The following CREBL2 variants were observed in gnomAD, a reference collection of about 807,000 sequenced individuals.
The protein encoded by CREBL2 is cAMP responsive element binding protein like 2.
In CREBL2, 4 loss-of-function variants were observed where a neutral mutation model predicts 19.5. That is an observed-to-expected ratio of 0.20 (90% CI 0.10 to 0.47). The LOEUF (loss-of-function observed/expected upper bound fraction) is 0.47. CREBL2 is among the 20% of genes least tolerant of loss of function. The pLI, the probability that CREBL2 is intolerant of heterozygous loss-of-function variation, is 0.98. For synonymous variants in CREBL2, 42 were observed against 46.6 expected (o/e 0.90, Z 0.40); for missense variants, 85 against 145.1 (o/e 0.59, Z 2.13).
At position 12,641,997 on chromosome 12, in the gene CREBL2, G is replaced by T; in HGVS notation, c.362G>T (p.Ter121LeuextTer82). Residue 121 changes from the stop codon to leucine, a stop_lost, in exon 4 of 4, where the codon TGA (stop) becomes TTA (leucine). Coordinates refer to ENST00000228865, the MANE Select transcript of CREBL2 (RefSeq NM_001310.4). ...ATTGGTAACTTTTATTTTTCAGGGT[G>T]AAGATTATATAAAGATGAGTCAGTG... The part of the protein sequence containing the change: ...GKTDANSNSW[*>L] 6.4e-7 allele frequency: 1 copy of T among 1,556,686 alleles called. No homozygotes were observed. Among genetic ancestry groups the T allele is most frequent in the East Asian group, 2.3e-5 (1 of 44,070 alleles).
chr12:12,620,148 T>C (rs2136300518), intron 1 of CREBL2, among the ~76,000 whole-genome samples: 2 of 152,326 alleles, frequency 1.3e-5, no homozygotes, highest in Middle Eastern at 6.8e-3. Flanking sequence ...ACATCAACAC[T>C]TTCTAGAAGA....
chr12:12,612,110 G>A lies in CREBL2; in HGVS notation c.-63G>A. The A allele has an allele frequency of 3.1e-6, 5 of 1,598,856 alleles. No homozygotes were observed. In the South Asian group the frequency reaches 4.4e-5, roughly 14 times the overall value. On this transcript the variant is annotated 5_prime_UTR_variant, in exon 1 of 4. Coordinates refer to ENST00000228865, the MANE Select transcript of CREBL2 (RefSeq NM_001310.4). ...TTCCTCGGGGCGGGGGCCGGGCCAGGCCGGCTGAGCCGGGGGAGGGCTCCG... is the reference window on the plus strand; with the variant it reads ...TTCCTCGGGGCGGGGGCCGGGCCAGACCGGCTGAGCCGGGGGAGGGCTCCG...
chr12:12,625,689 A>G (rs953157078), intron 1 of CREBL2, among the ~76,000 whole-genome samples: 5 of 152,220 alleles, frequency 3.3e-5, no homozygotes, highest in Admixed American at 6.5e-5. Flanking sequence ...CTTGTCATCT[A>G]TGAAATGAAG....
rs767662696 is a variant in CREBL2, at chr12:12,612,143, G to A, written c.-30G>A. The A allele has an allele frequency of 3.7e-6, 6 of 1,610,764 alleles. No homozygotes were observed. The highest frequency in any genetic ancestry group is 1.6e-4 in the Middle Eastern group (1 of 6,062). ...AGCCGGGGGAGGGCTCCGGGAGGGA[G>A]TGCCTGGCCAGGCCGGCCTGTCTGC... On this transcript the variant is annotated 5_prime_UTR_variant, in exon 1 of 4. In the 5' UTR this introduces an upstream ATG that the reference lacks. Transcript: ENST00000228865.
At chr12:12,631,895 G>A (rs1945444686) in intron 1 of CREBL2, among the ~76,000 whole-genome samples, 1 of 151,752 alleles carries the variant, frequency 6.6e-6, no homozygotes, top group Admixed American at 6.6e-5. Context: ...ATAATCCTGT[G>A]TTATACTTAC....
In CREBL2 at chr12:12,635,833, T is replaced by G. The variant is rs1453663334; in HGVS notation, c.72T>G (p.Ile24Met). The G allele has an allele frequency of 1.2e-6, 2 of 1,613,806 alleles. No homozygotes were observed. The highest frequency in any genetic ancestry group is 2.7e-5 in the African/African-American group (2 of 74,896). ...PGKRGRKPAK[I>M]DLKAKLERSR... Reference sequence around the variant, plus strand: ...AACGTGGTCGGAAGCCAGCCAAAATTGACTTGAAAGCAAAACTTGAGAGGA... The same window carrying G: ...AACGTGGTCGGAAGCCAGCCAAAATGGACTTGAAAGCAAAACTTGAGAGGA... The change falls in exon 2 of 4, where the codon ATT becomes ATG. Residue 24 changes from isoleucine (I) to methionine (M), a missense_variant. Physicochemically the swap from Ile to Met is conservative, Grantham distance 10. Coordinates refer to ENST00000228865, the MANE Select transcript of CREBL2 (RefSeq NM_001310.4).
At chr12:12,631,058 G>A (rs2136304312) in intron 1 of CREBL2, among the ~76,000 whole-genome samples, 1 of 152,330 alleles carries the variant, frequency 6.6e-6, no homozygotes, top group East Asian at 1.9e-4. Flanking sequence ...AAGAGAAAGT[G>A]TTTAAAACAG....
At chr12:12,623,471 G>T (rs939032434) in intron 1 of CREBL2, among the ~76,000 whole-genome samples, 14 of 152,310 alleles carry the variant, frequency 9.2e-5, no homozygotes, top group African/African-American at 3.1e-4. Flanking sequence ...GAGGGCTAGA[G>T]CTGATCTTAA....
chr12:12,618,828 AGACCAGCCC>A (rs968187266), intron 1 of CREBL2, among the ~76,000 whole-genome samples: 8 of 152,364 alleles, frequency 5.3e-5, no homozygotes, highest in African/African-American at 1.2e-4. Flanking sequence ...CAGGAGCTGG[AGACCAGCCC>A]GGCCAGCCCG....
At chr12:12,639,636 T>G (rs899051576) in intron 3 of CREBL2, among the ~76,000 whole-genome samples, 7 of 151,036 alleles carry the variant, frequency 4.6e-5, no homozygotes, top group Non-Finnish European at 1.0e-4. Flanking sequence ...TTAATTAGGT[T>G]GTTTTTGTTG....
rs530499317 is a variant in CREBL2 at position 12,628,026 on chromosome 12, C to T, written c.16-7751C>T. Among the ~76,000 whole-genome samples the T allele has an allele frequency of 9.2e-5, 14 of 152,176 alleles. No homozygotes were observed. In the East Asian group the frequency reaches 9.7e-4, roughly 11 times the overall value. On this transcript the variant is annotated intron_variant, in intron 1 of 3. Transcript: ENST00000228865. ...TCCCGAGTAGCTGGGCCTACAGGCG[C>T]GCGCCACCATGCCCAGCTAATTGTT...
chr12:12,635,153 A>G (rs1592241954), intron 1 of CREBL2, among the ~76,000 whole-genome samples: 1 of 151,938 alleles, frequency 6.6e-6, no homozygotes, highest in African/African-American at 2.4e-5. Context: ...TAAGCCTAGG[A>G]GTTGGAGACC....
chr12:12,614,649 GA>G, intron 1 of CREBL2: 1 of 289,130 alleles, frequency 3.5e-6, no homozygotes, highest in South Asian at 3.3e-5. Context: ...TTGCAGAGAT[GA>G]GGGTCTCACT....
At chr12:12,615,161 C>T (rs188654730) in intron 1 of CREBL2, among the ~76,000 whole-genome samples, 16 of 152,224 alleles carry the variant, frequency 1.1e-4, no homozygotes, top group African/African-American at 3.9e-4. Flanking sequence ...ATTACAGGTG[C>T]ATGCCACCAC....
At position 12,623,214 on chromosome 12, in the gene CREBL2, A is replaced by G. The variant is rs577612464; in HGVS notation, c.15+11027A>G. ...TCTTTTTCATTTCATTAAATTATCAATCTTTTAATAAATATCTCTTAAATG... is the reference window on the plus strand; with the variant it reads ...TCTTTTTCATTTCATTAAATTATCAGTCTTTTAATAAATATCTCTTAAATG... On this transcript the variant is annotated intron_variant, in intron 1 of 3. Coordinates refer to ENST00000228865, the MANE Select transcript of CREBL2 (RefSeq NM_001310.4). Among the ~76,000 whole-genome samples the G allele has an allele frequency of 2.6e-4, 39 of 151,752 alleles. 1 individual carries two copies. The South Asian group carries it at 6.7e-3, about 26-fold the overall frequency.
At chr12:12,612,427 T>C (rs77011604) in intron 1 of CREBL2, among the ~76,000 whole-genome samples, 5,305 of 152,268 alleles carry the variant, frequency 0.035, 105 homozygotes, top group South Asian at 0.068. Flanking sequence ...TTGCTAGCTT[T>C]CCAGGTAGTG....
intron 1 of CREBL2, among the ~76,000 whole-genome samples, chr12:12,612,724 T>TA (rs1291564120): frequency 1.3e-5 from 2 of 152,144 alleles, no homozygotes; most frequent in African/African-American, 2.4e-5. Flanking sequence ...AAGCCTTCTC[T>TA]AAAAAAATAC....
chr12:12,628,173 C>G (rs1011759980), intron 1 of CREBL2, among the ~76,000 whole-genome samples: 6 of 152,196 alleles, frequency 3.9e-5, no homozygotes, highest in Non-Finnish European at 7.3e-5. Context: ...GCCACCATGC[C>G]TGGCATTGGC....
At chr12:12,619,383 G>A (rs1945342362) in intron 1 of CREBL2, among the ~76,000 whole-genome samples, 1 of 152,182 alleles carries the variant, frequency 6.6e-6, no homozygotes, top group African/African-American at 2.4e-5. Context: ...GCCAAGGTGG[G>A]TGGATTGAGT....
Sources: gnomAD v4.1 joint callset for allele counts (sites outside exome capture counted in the v4.1 genomes callset) on GRCh38, gnomAD v4.1.1 for gene constraint, MANE v1.5 for transcripts, NCBI Gene and HGNC (gene_info 2026-07-23, HGNC 2026-07-21) for gene names.